Variants in LIPA observed in about 807,000 individuals in gnomAD.
LIPA encodes the protein lipase A, lysosomal acid type, also known as lysosomal acid lipase/cholesteryl ester hydrolase.
Under a neutral mutation model 40.6 loss-of-function variants are expected in LIPA, and 26 were observed. The observed-to-expected ratio is 0.64, with a 90% CI of 0.47 to 0.89. The LOEUF is 0.89. Among genes scored for constraint, LIPA ranks in the 40% least tolerant of loss-of-function variants. LIPA has a pLI of 0.00. For synonymous variants in LIPA, 188 were observed against 168.4 expected (o/e 1.12, Z -0.90); for missense variants, 455 against 479.6 (o/e 0.95, Z 0.48).
intron 2 of LIPA, among the ~76,000 whole-genome samples, chr10:89,359,840 C>T (rs1195591767): frequency 6.8e-6 from 1 of 146,822 alleles, no homozygotes; most frequent in Non-Finnish European, 1.5e-5. Flanking sequence ...CACACACACA[C>T]ACAAACACAC....
intron 1 of LIPA, among the ~76,000 whole-genome samples, chr10:89,324,228 C>A (rs1271769295): frequency 6.6e-6 from 1 of 152,098 alleles, no homozygotes; most frequent in African/African-American, 2.4e-5. Flanking sequence ...AGGGCACACA[C>A]CTACAGCCAT....
intron 2 of LIPA, chr10:89,405,532 G>T (rs1037737022): frequency 3.3e-5 from 5 of 152,184 alleles, no homozygotes; most frequent in Admixed American, 2.0e-4. Flanking sequence ...CAGTTCTGGA[G>T]GTCAGAAGTC....
intron 8 of LIPA, among the ~76,000 whole-genome samples, chr10:89,217,891 A>G (rs1175795513): frequency 6.6e-6 from 1 of 152,230 alleles, no homozygotes. Flanking sequence ...TTACCATTTC[A>G]AATAATAGAT....
chr10:89,311,985 G>A (rs1267224186), intron 1 of LIPA, among the ~76,000 whole-genome samples: 2 of 152,092 alleles, frequency 1.3e-5, no homozygotes, highest in Non-Finnish European at 2.9e-5. Context: ...CTCTCTCTCT[G>A]TCTGTCCCCA....
chr10:89,244,892 C>T (rs2133462698), intron 3 of LIPA, among the ~76,000 whole-genome samples: 1 of 152,208 alleles, frequency 6.6e-6, no homozygotes, highest in East Asian at 1.9e-4. Flanking sequence ...TGCATATATC[C>T]TGTGATCCAA....
chr10:89,339,747 C>G (rs1317107681), intron 1 of LIPA: 1 of 1,614,206 alleles, frequency 6.2e-7, no homozygotes, highest in Admixed American at 1.7e-5. Context: ...ATCAGCGCTA[C>G]TGCAACCTTC....
intron 1 of LIPA, among the ~76,000 whole-genome samples, chr10:89,279,262 A>ATATC (rs1422817360): frequency 1.3e-5 from 2 of 152,206 alleles, no homozygotes; most frequent in African/African-American, 4.8e-5. Flanking sequence ...ATAGTATGGT[A>ATATC]TATCCTCTTA....
At chr10:89,272,070 TA>T (rs200777645) in intron 1 of LIPA, among the ~76,000 whole-genome samples, 149 of 148,330 alleles carry the variant, frequency 1.0e-3, no homozygotes, top group African/African-American at 1.2e-3. Context: ...GACTCTGTCT[TA>T]AAAAAAAAAA....
intron 4 of LIPA, 132 bp from the exon 5 acceptor site, chr10:89,227,136 A>G (rs1842780166): frequency 1.4e-6 from 1 of 707,894 alleles, no homozygotes; most frequent in Admixed American, 2.0e-5. Context: ...TCCAGGAAAC[A>G]ACACCAGCAG....
chr10:89,396,567 C>G (rs1686084760), intron 2 of LIPA, among the ~76,000 whole-genome samples: 1 of 152,176 alleles, frequency 6.6e-6, no homozygotes, highest in South Asian at 2.1e-4. Flanking sequence ...AATTCACTCA[C>G]TACTACTAGA....
At chr10:89,220,044 T>C (rs1429148162) in intron 8 of LIPA, among the ~76,000 whole-genome samples, 12 of 152,190 alleles carry the variant, frequency 7.9e-5, no homozygotes. Context: ...GCCTAGATGA[T>C]AGCCGATCCA....
chr10:89,406,942 G>A lies in LIPA; in HGVS notation c.61+5849C>T, dbSNP rs568780856. 2.3e-3 allele frequency among the ~76,000 whole-genome samples: 351 copies of A among 152,180 alleles called. 3 individuals are homozygous for A. The highest frequency in any genetic ancestry group is 3.8e-3 in the Non-Finnish European group (261 of 68,018). ...TTCATCCTATTTTTCCTTAGAATTC[G>A]GGGGCTAAATACTGGGCACCTGTCG... On this transcript the variant is annotated intron_variant, in intron 2 of 8. Transcript: ENST00000371837.
chr10:89,352,788 T>TAAAAAAAAAAAAAAA (rs34514402), intron 2 of LIPA, among the ~76,000 whole-genome samples: 1 of 113,144 alleles, frequency 8.8e-6, no homozygotes, highest in Non-Finnish European at 1.9e-5. Flanking sequence ...ACTACAAAGA[T>TAAAAAAAAAAAAAAA]AAAAAAAAAA....
chr10:89,254,548 A>T (rs1427959261), upstream of LIPA, among the ~76,000 whole-genome samples: 1 of 152,222 alleles, frequency 6.6e-6, no homozygotes, highest in Non-Finnish European at 1.5e-5. Flanking sequence ...GGCTGCCTCA[A>T]AGGTCTCTGA....
intron 3 of LIPA, among the ~76,000 whole-genome samples, chr10:89,228,810 C>T (rs1178346310): frequency 6.6e-6 from 1 of 152,202 alleles, no homozygotes; most frequent in African/African-American, 2.4e-5. Context: ...TGAGACATCA[C>T]TATACACGTA....
chr10:89,372,848 A>G (rs1018340589), intron 2 of LIPA, among the ~76,000 whole-genome samples: 3 of 152,202 alleles, frequency 2.0e-5, no homozygotes, highest in Admixed American at 6.5e-5. Context: ...AAGTCCCAAG[A>G]TACTTCAGAC....
chr10:89,228,084 T>C, intron 4 of LIPA, 116 bp downstream of exon 4: 1 of 851,016 alleles, frequency 1.2e-6, no homozygotes, highest in East Asian at 2.5e-5. Flanking sequence ...AGACACTAAC[T>C]TCCCCTCTCA....
intron 1 of LIPA, among the ~76,000 whole-genome samples, chr10:89,298,626 T>C (rs1843428660): frequency 6.6e-6 from 1 of 152,158 alleles, no homozygotes; most frequent in Non-Finnish European, 1.5e-5. Flanking sequence ...CAAGGAAATA[T>C]GATACCTTCA....
chr10:89,315,164 T>C (rs1389360903), intron 1 of LIPA, among the ~76,000 whole-genome samples: 2 of 152,232 alleles, frequency 1.3e-5, no homozygotes, highest in South Asian at 2.1e-4. Context: ...ATCTGTGATA[T>C]ATGGGACCCT....
Sources: allele counts gnomAD v4.1 joint callset (sites outside exome capture counted in the v4.1 genomes callset), GRCh38; gene constraint gnomAD v4.1.1; transcripts MANE v1.5; gene names NCBI Gene and HGNC (gene_info 2026-07-23, HGNC 2026-07-21).